Variants in WDR25 observed in about 807,000 individuals in gnomAD.
The protein encoded by WDR25 is WD repeat domain 25.
WDR25 carries 35 observed loss-of-function variants against 47.7 expected under a neutral mutation model. That is an observed-to-expected ratio of 0.73 (90% CI 0.56 to 0.97). WDR25 has a LOEUF of 0.97. Among genes scored for constraint, WDR25 ranks in the 50% least tolerant of loss-of-function variants. The probability of loss-of-function intolerance (pLI) is 0.00; values close to 1 mark genes in which losing one functional copy is unlikely to be tolerated. For missense variants in WDR25, 634 were observed against 704.7 expected (o/e 0.90, Z 1.14); for synonymous variants, 248 against 278.9 (o/e 0.89, Z 1.10).
At position 100,488,669 on chromosome 14, in the gene WDR25, C is replaced by G. The variant is rs1900464736; in HGVS notation, c.1101+4545C>G. ...TTGGGATAAGATCCTGCATTTCTAA[C>G]AAGCTCCCAGGAAATGAAGGGGAGG... is the stretch of plus-strand genomic sequence containing the variant. On this transcript the variant is annotated intron_variant, in intron 4 of 6. Transcript: ENST00000402312. This position sits in a 1 kb window ranked among gnomAD's most constrained non-coding sequence, Gnocchi z 4.2. Among the ~76,000 whole-genome samples, 1 of 152,140 alleles carries G rather than the reference C, an allele frequency of 6.6e-6. No individual in the cohort carries two copies. The highest frequency in any genetic ancestry group is 2.4e-5 in the African/African-American group (1 of 41,434).
chr14:100,453,977 C>T (rs183655862), intron 2 of WDR25, among the ~76,000 whole-genome samples: 77 of 152,312 alleles, frequency 5.1e-4, no homozygotes, highest in African/African-American at 1.4e-3. Context: ...AGTTTCTCCT[C>T]AACCTTTCCT....
intron 2 of WDR25, chr14:100,382,204 T>G: frequency 1.4e-6 from 1 of 702,766 alleles, no homozygotes. Flanking sequence ...GCGGGAGCCG[T>G]GGACAAGTAC....
At chr14:100,479,649 C>T (rs1900134857) in intron 3 of WDR25, among the ~76,000 whole-genome samples, 2 of 152,082 alleles carry the variant, frequency 1.3e-5, no homozygotes, top group Admixed American at 1.3e-4. Context: ...ATCTTACTAC[C>T]CCTAGAACAA....
In WDR25 at chr14:100,425,891, C is replaced by G. The variant is rs1040142043; in HGVS notation, c.823-42130C>G. Among the ~76,000 whole-genome samples, 1 of 152,112 alleles carries G rather than the reference C, an allele frequency of 6.6e-6. No individual in the cohort carries two copies. The highest frequency in any genetic ancestry group is 6.5e-5 in the Admixed American group (1 of 15,278). On this transcript the variant is annotated intron_variant, in intron 2 of 6. Transcript: ENST00000402312. This position sits in a 1 kb window ranked among gnomAD's most constrained non-coding sequence, Gnocchi z 4.8. ...GGGCAAGCTGACCCTCAACATGAGG[C>G]AAGGGGTATTCAGTGGGGCCAGGGC...
At chr14:100,412,152 AGCCTTGATTTTGCCATC>A (rs1566897022) in intron 2 of WDR25, among the ~76,000 whole-genome samples, 1 of 143,204 alleles carries the variant, frequency 7.0e-6, no homozygotes, top group East Asian at 2.1e-4. Flanking sequence ...GGCTGCAGTG[AGCCTTGATTTTGCCATC>A]GCACTCCAGC....
rs767073305 is a variant in WDR25, at chr14:100,441,525, G to A, written c.823-26496G>A. ...AGAGTGTGTGGGTCTTGGAGTGCCA[G>A]AGTGTGGGAACACAGAGGGGCAGCA... On this transcript the variant is annotated intron_variant, in intron 2 of 6. Transcript: ENST00000402312. 2.8e-4 allele frequency among the ~76,000 whole-genome samples: 43 copies of A among 152,278 alleles called. 1 individual carries two copies. The highest frequency in any genetic ancestry group is 3.4e-3 in the Middle Eastern group (1 of 294).
intron 3 of WDR25, among the ~76,000 whole-genome samples, chr14:100,478,090 CAAAA>C (rs766380587): frequency 4.4e-5 from 6 of 135,420 alleles, no homozygotes; most frequent in African/African-American, 1.4e-4. Flanking sequence ...GACTCTGTCT[CAAAA>C]AAACAAAACA....
At chr14:100,495,122 C>T (rs1211048034) in intron 4 of WDR25, among the ~76,000 whole-genome samples, 6 of 152,136 alleles carry the variant, frequency 3.9e-5, no homozygotes, top group African/African-American at 7.2e-5. Context: ...TTTGGGAGGC[C>T]GAGGAGGGCG....
intron 4 of WDR25, among the ~76,000 whole-genome samples, chr14:100,504,979 T>C (rs751749857): frequency 9.9e-5 from 15 of 152,186 alleles, no homozygotes; most frequent in Non-Finnish European, 2.1e-4. Flanking sequence ...TGACTAATGA[T>C]GGTGAACATC....
chr14:100,382,686 A>G (rs1896933491), intron 2 of WDR25, among the ~76,000 whole-genome samples: 1 of 152,290 alleles, frequency 6.6e-6, no homozygotes, highest in East Asian at 1.9e-4. Flanking sequence ...CCTCGCAGCT[A>G]GCAAAGCACC....
At chr14:100,415,074 G>A (rs1383388192) in intron 2 of WDR25, among the ~76,000 whole-genome samples, 1 of 152,046 alleles carries the variant, frequency 6.6e-6, no homozygotes. Flanking sequence ...TAGCTCTCAC[G>A]GATGGTTGGG....
intron 2 of WDR25, among the ~76,000 whole-genome samples, chr14:100,401,165 C>T (rs191536868): frequency 2.8e-4 from 42 of 152,290 alleles, no homozygotes; most frequent in African/African-American, 9.4e-4. Flanking sequence ...GCCTCCGGGG[C>T]GCGTCGGCGG....
intron 4 of WDR25, among the ~76,000 whole-genome samples, chr14:100,513,915 G>A (rs1901397011): frequency 4.7e-5 from 7 of 149,760 alleles, no homozygotes; most frequent in Admixed American, 4.6e-4. Context: ...TTTAATTATT[G>A]TTAGCATGGC....
At chr14:100,414,984 G>C (rs921234051) in intron 2 of WDR25, among the ~76,000 whole-genome samples, 1 of 152,088 alleles carries the variant, frequency 6.6e-6, no homozygotes, top group Non-Finnish European at 1.5e-5. Context: ...TGAGAGCAGG[G>C]GGAGCAGCAA....
intron 2 of WDR25, among the ~76,000 whole-genome samples, chr14:100,400,807 A>C (rs1897359941): frequency 1.3e-5 from 2 of 152,198 alleles, no homozygotes; most frequent in African/African-American, 4.8e-5. Context: ...TGGTGTGTGA[A>C]TAACTTTACA....
At chr14:100,526,146 T>G in intron 5 of WDR25, 106 bp downstream of exon 5, 9 of 1,353,146 alleles carry the variant, frequency 6.7e-6, no homozygotes, top group Non-Finnish European at 9.0e-6. Context: ...GGAGGCTCAC[T>G]GGACTGAAAT....
At chr14:100,505,892 A>G (rs1335388924) in intron 4 of WDR25, among the ~76,000 whole-genome samples, 1 of 152,188 alleles carries the variant, frequency 6.6e-6, no homozygotes, top group East Asian at 1.9e-4. Flanking sequence ...TAGAAATACT[A>G]TTAACTTTCT....
chr14:100,530,058 C>A lies in WDR25; in HGVS notation c.*17C>A, dbSNP rs773740800. 3.8e-6 allele frequency: 6 copies of A among 1,599,020 alleles called. No individual in the cohort carries two copies. Among genetic ancestry groups the A allele is most frequent in the South Asian group, 1.1e-5 (1 of 89,570 alleles). ...TGGCACTGAGCTTTTTGTCACTGAA[C>A]CTTCCCGATGCCAGCTGGGCTCTTG... On this transcript the variant is annotated 3_prime_UTR_variant, in exon 7 of 7. Coordinates refer to ENST00000402312, the MANE Select transcript of WDR25 (RefSeq NM_001161476.3).
intron 2 of WDR25, chr14:100,382,259 A>G: frequency 1.5e-6 from 1 of 687,228 alleles, no homozygotes; most frequent in Admixed American, 2.0e-5. Context: ...AGTAGGACAC[A>G]CAGGTGCTCT....
Sources: gnomAD v4.1 joint callset for allele counts (sites outside exome capture counted in the v4.1 genomes callset) on GRCh38, gnomAD v4.1.1 for gene constraint, Gnocchi (gnomAD v3.1) non-coding constraint, MANE v1.5 for transcripts, NCBI Gene and HGNC (gene_info 2026-07-23, HGNC 2026-07-21) for gene names.